The following MYO3B variants were observed in gnomAD, a reference collection of about 807,000 sequenced individuals.
MYO3B encodes the protein myosin IIIB.
A neutral mutation model predicts 174.6 loss-of-function variants in MYO3B; 156 were observed. That is an observed-to-expected ratio of 0.89 (90% CI 0.78 to 1.02). The LOEUF (loss-of-function observed/expected upper bound fraction) is 1.02. Among genes scored for constraint, MYO3B ranks in the 50% least tolerant of loss-of-function variants. The pLI is 0.00. For missense variants in MYO3B, 1,632 were observed against 1,639.4 expected (o/e 1.00, Z 0.08); for synonymous variants, 563 against 569.1 (o/e 0.99, Z 0.15).
chr2:170,385,577 A>G (rs1414478432), intron 12 of MYO3B, among the ~76,000 whole-genome samples: 2 of 152,230 alleles, frequency 1.3e-5, no homozygotes, highest in Non-Finnish European at 2.9e-5. Context: ...AAAAATATCA[A>G]CAATACAATA....
At chr2:170,486,751 T>C (rs547824557) in intron 25 of MYO3B, among the ~76,000 whole-genome samples, 1 of 152,346 alleles carries the variant, frequency 6.6e-6, no homozygotes, top group South Asian at 2.1e-4. Context: ...ATAGATTCAG[T>C]GTTTATGAAT....
At chr2:170,303,825 A>G (rs887904830) in intron 7 of MYO3B, among the ~76,000 whole-genome samples, 2 of 152,078 alleles carry the variant, frequency 1.3e-5, no homozygotes, top group Admixed American at 1.3e-4. Flanking sequence ...ATATATATTA[A>G]TATGCAATTA....
intron 7 of MYO3B, among the ~76,000 whole-genome samples, chr2:170,254,986 G>A (rs7421254): frequency 0.35 from 53,466 of 152,038 alleles, 11,168 homozygotes; most frequent in East Asian, 0.67. Flanking sequence ...GAGAGAGCTG[G>A]GCAGACCCCA....
chr2:170,399,271 G>A (rs56656181), intron 16 of MYO3B, among the ~76,000 whole-genome samples: 15,200 of 53,842 alleles, frequency 0.28, 4,235 homozygotes, highest in East Asian at 0.51. Context: ...AAAAAAGAGA[G>A]AGACCAGTCT....
Position 170,235,423 on chromosome 2 carries a change from G to A in MYO3B, c.604-568G>A, listed in dbSNP as rs534211896. Among the ~76,000 whole-genome samples, 6 of 152,316 alleles carry A rather than the reference G, an allele frequency of 3.9e-5. No individual in the cohort carries two copies. The East Asian group carries it at 5.8e-4, about 15-fold the overall frequency. ...CTAGTCAGGCCAAGTAACTGGAATGGCAGTTGTTTCTGTGATGCATACCAT... is the reference window on the plus strand; with the variant it reads ...CTAGTCAGGCCAAGTAACTGGAATGACAGTTGTTTCTGTGATGCATACCAT... On this transcript the variant is annotated intron_variant, in intron 6 of 34. Transcript: ENST00000408978.
chr2:170,485,602 G>C (rs1056326202), intron 25 of MYO3B, among the ~76,000 whole-genome samples: 1 of 152,138 alleles, frequency 6.6e-6, no homozygotes, highest in African/African-American at 2.4e-5. Context: ...TGACATTCAT[G>C]ATATTTATTT....
At chr2:170,230,570 A>T (rs1012883549) in intron 6 of MYO3B, among the ~76,000 whole-genome samples, 1 of 151,954 alleles carries the variant, frequency 6.6e-6, no homozygotes. Context: ...TCCAGAAGAA[A>T]GAAACATGCC....
At chr2:170,346,517 T>C (rs1269897085) in intron 8 of MYO3B, 1 of 152,180 alleles carries the variant, frequency 6.6e-6, no homozygotes, top group Non-Finnish European at 1.5e-5. Context: ...ATGTCAAGTA[T>C]TAATATGAAA....
rs1559201154 is a variant in MYO3B, at chr2:170,649,124, GTATATAAAATAATATATAATATATTA to G, written c.3734-2459_3734-2434del. Among the ~76,000 whole-genome samples, 87 of 20,008 alleles carry G rather than the reference GTATATAAAATAATATATAATATATTA, an allele frequency of 4.3e-3. 3 individuals carry two copies. The highest frequency in any genetic ancestry group is 5.3e-3 in the Non-Finnish European group (68 of 12,780). The allele number at this position is 20,008 out of a possible 152,430, so 13.1% of individuals were successfully genotyped here. On this transcript the variant is annotated intron_variant, in intron 32 of 34. Transcript: ENST00000408978. ...TATTATATATAAAATAATATATAAT[GTATATAAAATAATATATAATATATTA>G]TATATAAAATAATATATAATATATT...
chr2:170,343,917 C>G (rs2105571480), intron 8 of MYO3B: 1 of 152,326 alleles, frequency 6.6e-6, no homozygotes, highest in East Asian at 1.9e-4. Context: ...TAATAGAAAA[C>G]CCCAAAAACA....
chr2:170,258,269 G>A (rs375091090), intron 7 of MYO3B, among the ~76,000 whole-genome samples: 116 of 151,908 alleles, frequency 7.6e-4, no homozygotes, highest in African/African-American at 2.6e-3. Context: ...AAAAGAAAAC[G>A]TCAGGCCAGT....
At chr2:170,224,228 A>C (rs563525175) in intron 6 of MYO3B, among the ~76,000 whole-genome samples, 6 of 152,344 alleles carry the variant, frequency 3.9e-5, no homozygotes, top group African/African-American at 1.2e-4. Flanking sequence ...AGCTCTCAAT[A>C]GTGGATGTTA....
intron 29 of MYO3B, among the ~76,000 whole-genome samples, chr2:170,516,257 A>G (rs1688300260): frequency 6.6e-6 from 1 of 151,646 alleles, no homozygotes; most frequent in South Asian, 2.1e-4. Context: ...CGTGCCCCCA[A>G]AGGCATTTGC....
chr2:170,217,402 TG>T lies in MYO3B; in HGVS notation c.603+9del. The T allele has an allele frequency of 6.2e-7, 1 of 1,609,918 alleles. No individual in the cohort carries two copies. The highest frequency in any genetic ancestry group is 8.5e-7 in the Non-Finnish European group (1 of 1,176,150). On this transcript the variant is annotated splice_region_variant and intron_variant, in intron 6 of 34. Transcript: ENST00000408978. ...GTTCTGGATGGCCCCTGAGGTAAGC[TG>T]GAAATACCTAGTTCTTTCTTTGCAC...
At chr2:170,327,878 CTATA>C (rs1003117221) in intron 7 of MYO3B, among the ~76,000 whole-genome samples, 20 of 97,302 alleles carry the variant, frequency 2.1e-4, no homozygotes, top group African/African-American at 6.4e-4. Flanking sequence ...TATATATACA[CTATA>C]TATAGTATAT....
intron 25 of MYO3B, among the ~76,000 whole-genome samples, chr2:170,493,436 A>C (rs938134552): frequency 3.9e-5 from 6 of 152,094 alleles, no homozygotes; most frequent in African/African-American, 1.2e-4. Context: ...CTTGGATAAT[A>C]ATTTTAGCCT....
intron 24 of MYO3B, among the ~76,000 whole-genome samples, chr2:170,464,704 A>T (rs985027230): frequency 5.3e-5 from 8 of 152,306 alleles, no homozygotes; most frequent in Non-Finnish European, 8.8e-5. Context: ...CATCTGTGGA[A>T]GGTGGGCCCC....
chr2:170,291,056 C>A (rs2093592251), intron 7 of MYO3B, among the ~76,000 whole-genome samples: 1 of 152,050 alleles, frequency 6.6e-6, no homozygotes. Flanking sequence ...CGAGACCAGC[C>A]TGGCCAACAT....
chr2:170,562,792 T>C (rs959991020), intron 32 of MYO3B, among the ~76,000 whole-genome samples: 1 of 152,334 alleles, frequency 6.6e-6, no homozygotes. Context: ...CCTTCCTTTA[T>C]ATAGTTACTT....
Sources: gnomAD v4.1 joint callset for allele counts (sites outside exome capture counted in the v4.1 genomes callset) on GRCh38, gnomAD v4.1.1 for gene constraint, MANE v1.5 for transcripts, NCBI Gene and HGNC (gene_info 2026-07-23, HGNC 2026-07-21) for gene names.